Variants in SAMD12 observed in about 807,000 individuals in gnomAD.
SAMD12 encodes sterile alpha motif domain-containing protein 12.
In SAMD12, 9 loss-of-function variants were observed where a neutral mutation model predicts 15.0. The ratio of observed to expected loss-of-function variants is 0.60; its 90% CI spans 0.36 to 1.05. The LOEUF (loss-of-function observed/expected upper bound fraction) is 1.05. SAMD12 is among the 50% of genes least tolerant of loss of function. The pLI is 0.01. For missense variants in SAMD12, 230 were observed against 234.2 expected, an observed-to-expected ratio of 0.98 and a Z score of 0.12; for synonymous variants, 86 against 90.1, an observed-to-expected ratio of 0.96 and a Z score of 0.25.
At chr8:118,495,053 G>A (rs1824567191) in intron 2 of SAMD12, among the ~76,000 whole-genome samples, 1 of 152,128 alleles carries the variant, frequency 6.6e-6, no homozygotes, top group Non-Finnish European at 1.5e-5. Context: ...ACATGAAAAA[G>A]TGCCCATAAA....
chr8:118,425,855 C>T (rs1822216787), intron 3 of SAMD12, among the ~76,000 whole-genome samples: 2 of 152,144 alleles, frequency 1.3e-5, no homozygotes, highest in Admixed American at 1.3e-4. Context: ...CATTTCAGAA[C>T]CCCACTCTGG....
the SAMD12 span, among the ~76,000 whole-genome samples, chr8:118,165,629 T>TATATAC: frequency 2.3e-5 from 3 of 129,686 alleles, no homozygotes; most frequent in South Asian, 2.5e-4. Flanking sequence ...TATATATATA[T>TATATAC]ATATATACAT....
intron 2 of SAMD12, among the ~76,000 whole-genome samples, chr8:118,527,301 A>T (rs1332864734): frequency 6.6e-6 from 1 of 152,176 alleles, no homozygotes; most frequent in Non-Finnish European, 1.5e-5. Flanking sequence ...ACCCCACAGG[A>T]GCTTCCCACA....
At chr8:118,271,854 GC>G (rs1451337470) in intron 4 of SAMD12, among the ~76,000 whole-genome samples, 1 of 152,190 alleles carries the variant, frequency 6.6e-6, no homozygotes, top group East Asian at 1.9e-4. Flanking sequence ...GGGCAGCTCT[GC>G]CCCTGTGGCT....
chr8:118,469,017 C>T (rs907124939), intron 2 of SAMD12, among the ~76,000 whole-genome samples: 5 of 152,104 alleles, frequency 3.3e-5, no homozygotes, highest in East Asian at 1.9e-4. Context: ...TGCCTTGGTC[C>T]GCACTATTCT....
intron 4 of SAMD12, among the ~76,000 whole-genome samples, chr8:118,341,408 T>C (rs2130547863): frequency 6.6e-6 from 1 of 152,308 alleles, no homozygotes; most frequent in African/African-American, 2.4e-5. Flanking sequence ...TTTACAAACA[T>C]CTTTAATATG....
chr8:118,196,248 G>T (rs151159556), exon 5 of SAMD12: 1 of 152,168 alleles, frequency 6.6e-6, no homozygotes, highest in South Asian at 2.1e-4. Context: ...GCTTGCTTGC[G>T]TTGGAAGTCT....
chr8:118,571,334 T>C (rs1356025148), intron 2 of SAMD12, among the ~76,000 whole-genome samples: 1 of 152,140 alleles, frequency 6.6e-6, no homozygotes, highest in Non-Finnish European at 1.5e-5. Flanking sequence ...CAGTGATCAA[T>C]AAGGCCATCA....
chr8:118,297,082 T>C (rs1814753271), intron 4 of SAMD12, among the ~76,000 whole-genome samples: 1 of 152,176 alleles, frequency 6.6e-6, no homozygotes, highest in Non-Finnish European at 1.5e-5. Flanking sequence ...TTAATATAGA[T>C]ATATTAACTA....
rs376814730 is a variant in SAMD12, at chr8:118,599,339, A to G, written c.14-18446T>C. Among the ~76,000 whole-genome samples, 107 of 152,294 alleles carry G rather than the reference A, an allele frequency of 7.0e-4. 1 individual carries two copies. Among genetic ancestry groups the G allele is most frequent in the African/African-American group, 2.3e-3 (96 of 41,548 alleles). ...TTTGTAAAATAAAGGAGACAAACTTAATGTGTGAACTTCCTTTTAGTTCTA... is the reference window on the plus strand; with the variant it reads ...TTTGTAAAATAAAGGAGACAAACTTGATGTGTGAACTTCCTTTTAGTTCTA... On this transcript the variant is annotated intron_variant, in intron 1 of 3. Coordinates refer to ENST00000314727, the MANE Select transcript of SAMD12 (RefSeq NM_207506.3).
At chr8:118,527,433 C>G (rs1362785713) in intron 2 of SAMD12, among the ~76,000 whole-genome samples, 2 of 152,134 alleles carry the variant, frequency 1.3e-5, no homozygotes, top group Non-Finnish European at 2.9e-5. Flanking sequence ...ATGGATCAAG[C>G]CTTTGTTAAT....
At chr8:118,331,066 G>A (rs1029776062) in intron 4 of SAMD12, among the ~76,000 whole-genome samples, 10 of 152,046 alleles carry the variant, frequency 6.6e-5, no homozygotes, top group African/African-American at 2.4e-4. Flanking sequence ...TCTTGGGTCA[G>A]GCTAAGAAAT....
intron 4 of SAMD12, among the ~76,000 whole-genome samples, chr8:118,293,217 A>G (rs1243043524): frequency 5.3e-5 from 8 of 152,186 alleles, no homozygotes; most frequent in Non-Finnish European, 1.2e-4. Context: ...TACATTAAGG[A>G]TTACCCAGAC....
intron 2 of SAMD12, among the ~76,000 whole-genome samples, chr8:118,454,334 T>C (rs1823176298): frequency 6.6e-6 from 1 of 152,194 alleles, no homozygotes; most frequent in African/African-American, 2.4e-5. Context: ...TTCTCATTCC[T>C]TTTTTGATAT....
At chr8:118,237,333 T>C (rs1193245806) in intron 4 of SAMD12, among the ~76,000 whole-genome samples, 1 of 152,182 alleles carries the variant, frequency 6.6e-6, no homozygotes, top group Non-Finnish European at 1.5e-5. Flanking sequence ...ACGTAGAGCA[T>C]ATTTATCAGC....
intron 4 of SAMD12, among the ~76,000 whole-genome samples, chr8:118,255,748 C>G (rs1274279769): frequency 6.6e-6 from 1 of 151,870 alleles, no homozygotes; most frequent in African/African-American, 2.4e-5. Flanking sequence ...TTAATCCAGT[C>G]TATCATTGTT....
exon 5 of SAMD12, chr8:118,195,207 A>G (rs1219102872): frequency 6.6e-6 from 1 of 152,252 alleles, no homozygotes; most frequent in Non-Finnish European, 1.5e-5. Context: ...ACCATCATTT[A>G]GTGAACATTT....
At chr8:118,269,085 GCTAATGTATCTATTTCCTTC>G (rs1813273954) in intron 4 of SAMD12, among the ~76,000 whole-genome samples, 1 of 151,528 alleles carries the variant, frequency 6.6e-6, no homozygotes. Context: ...TCATTATCTT[GCTAATGTATCTATTTCCTTC>G]CAGCTCTCCA....
At chr8:118,177,239 A>ATT in the SAMD12 span, among the ~76,000 whole-genome samples, 33 of 137,102 alleles carry the variant, frequency 2.4e-4, 1 homozygote, top group African/African-American at 7.9e-4. Context: ...GCCACAGAGA[A>ATT]TTTTTTTTTT....
Sources: allele counts gnomAD v4.1 joint callset (sites outside exome capture counted in the v4.1 genomes callset), GRCh38; gene constraint gnomAD v4.1.1; transcripts MANE v1.5; gene names NCBI Gene and HGNC (gene_info 2026-07-23, HGNC 2026-07-21).